The following SH3GL2 variants were observed in gnomAD, a reference collection of about 807,000 sequenced individuals.
SH3GL2 encodes the protein SH3 domain containing GRB2 like 2, endophilin A1.
SH3GL2 carries 24 observed loss-of-function variants against 46.0 expected under a neutral mutation model. The ratio of observed to expected loss-of-function variants is 0.52; its 90% CI spans 0.38 to 0.73. SH3GL2 has a LOEUF of 0.73. Ranked by LOEUF, SH3GL2 falls within the 30% of genes least tolerant of loss-of-function variation. SH3GL2 has a pLI of 0.00. For synonymous variants in SH3GL2, 196 were observed against 147.1 expected (o/e 1.33, Z -2.40); for missense variants, 413 against 424.2 (o/e 0.97, Z 0.23).
chr9:17,644,072 G>A (rs1007897989), intron 1 of SH3GL2, among the ~76,000 whole-genome samples: 1 of 152,186 alleles, frequency 6.6e-6, no homozygotes, highest in South Asian at 2.1e-4. Context: ...GAGGGTGTAT[G>A]TGTCCAGGAA....
intron 1 of SH3GL2, among the ~76,000 whole-genome samples, chr9:17,585,828 G>A (rs75924204): frequency 0.021 from 3,199 of 152,252 alleles, 127 homozygotes; most frequent in African/African-American, 0.073. Context: ...CACAGTTAGC[G>A]TATGTGGGAA....
At chr9:17,643,127 G>A (rs1025902428) in intron 1 of SH3GL2, among the ~76,000 whole-genome samples, 2 of 152,076 alleles carry the variant, frequency 1.3e-5, no homozygotes, top group Non-Finnish European at 2.9e-5. Context: ...TGGGTTCCTA[G>A]GTATTTTATT....
chr9:17,679,472 T>C (rs1287554583), intron 1 of SH3GL2, among the ~76,000 whole-genome samples: 2 of 152,220 alleles, frequency 1.3e-5, no homozygotes, highest in Non-Finnish European at 2.9e-5. Context: ...TTTTGCACAT[T>C]GATTTTGTAT....
intron 1 of SH3GL2, chr9:17,590,565 C>A (rs1355152650): frequency 6.6e-6 from 1 of 152,140 alleles, no homozygotes; most frequent in African/African-American, 2.4e-5. Flanking sequence ...AACCTAAAAT[C>A]TTTGGATTTT....
intron 1 of SH3GL2, among the ~76,000 whole-genome samples, chr9:17,684,658 T>G (rs1457325538): frequency 6.6e-6 from 1 of 151,980 alleles, no homozygotes. Context: ...ACACATACAG[T>G]CAGACATATT....
chr9:17,699,011 C>T (rs1437880334), intron 1 of SH3GL2, among the ~76,000 whole-genome samples: 1 of 151,798 alleles, frequency 6.6e-6, no homozygotes, highest in Admixed American at 6.6e-5. Flanking sequence ...AAAAACTAGC[C>T]AGGCATGGTG....
chr9:17,700,219 A>G (rs1821314009), intron 1 of SH3GL2, among the ~76,000 whole-genome samples: 1 of 152,176 alleles, frequency 6.6e-6, no homozygotes. Context: ...TGAATTGGTC[A>G]TGTTGACCCA....
chr9:17,727,154 G>A lies in SH3GL2; in HGVS notation c.46-19912G>A, dbSNP rs79551375. On this transcript the variant is annotated intron_variant, in intron 1 of 8. Coordinates refer to ENST00000380607, the MANE Select transcript of SH3GL2 (RefSeq NM_003026.5). ...TTAAGATGAATAGTCTGCCTCTACA[G>A]AGAGCAACATATATAAGTTTGATGG... Among the ~76,000 whole-genome samples, 551 of 152,306 alleles carry A rather than the reference G, an allele frequency of 3.6e-3. 6 individuals are homozygous for A. Among genetic ancestry groups the A allele is most frequent in the African/African-American group, 0.011 (447 of 41,568 alleles).
chr9:17,673,159 G>A (rs1187300169), intron 1 of SH3GL2, among the ~76,000 whole-genome samples: 1 of 150,828 alleles, frequency 6.6e-6, no homozygotes. Context: ...TTGTTTGTTT[G>A]TTTGTTTTTG....
intron 1 of SH3GL2, among the ~76,000 whole-genome samples, chr9:17,661,582 GTTTA>G (rs1311558315): frequency 6.6e-6 from 1 of 152,196 alleles, no homozygotes; most frequent in Non-Finnish European, 1.5e-5. Flanking sequence ...TTCCATTTAT[GTTTA>G]TTTAAATAAG....
At position 17,579,254 on chromosome 9, in the gene SH3GL2, C is replaced by T; in HGVS notation, c.12C>T (p.Ala4=). Residue 4 remains alanine, a synonymous_variant, in exon 1 of 9, where the codon GCC becomes GCT. Coordinates refer to ENST00000380607, the MANE Select transcript of SH3GL2 (RefSeq NM_003026.5). MSV[A]GLKKQFHKAT... is the part of the protein sequence containing the mutation. ...CGGCCTCCTGCACCATGTCGGTGGCCGGCCTCAAGAAGCAGTTCCATAAAG... is the reference window on the plus strand; with the variant it reads ...CGGCCTCCTGCACCATGTCGGTGGCTGGCCTCAAGAAGCAGTTCCATAAAG... The T allele has an allele frequency of 6.4e-7, 1 of 1,565,558 alleles. No individual in the cohort carries two copies. Among genetic ancestry groups the T allele is most frequent in the Non-Finnish European group, 8.6e-7 (1 of 1,157,244 alleles).
At position 17,795,546 on chromosome 9, in the gene SH3GL2, G is replaced by T; in HGVS notation, c.862G>T (p.Val288Phe). The change falls in exon 9 of 9, where the codon GTC becomes TTC. Residue 288 changes from valine (V) to phenylalanine (F), a missense_variant and splice_region_variant. This residue lies in a region of SH3GL2 where 248 missense variants were observed against 215.0 expected (regional missense o/e 1.15). Coordinates refer to ENST00000380607, the MANE Select transcript of SH3GL2 (RefSeq NM_003026.5). Reference protein sequence around the residue: ...SHTGTPKPSGVQMDQPCCRAL... With the variant: ...SHTGTPKPSGFQMDQPCCRAL... Reference sequence around the variant, plus strand: ...TTCTCTCCTGCTCTTACTCCCAGGTGTCCAAATGGATCAGCCCTGCTGCCG... The same window carrying T: ...TTCTCTCCTGCTCTTACTCCCAGGTTTCCAAATGGATCAGCCCTGCTGCCG... The T allele has an allele frequency of 1.2e-6, 2 of 1,613,304 alleles. No individual in the cohort carries two copies. The highest frequency in any genetic ancestry group is 1.7e-6 in the Non-Finnish European group (2 of 1,179,348).
chr9:17,679,933 A>T (rs1337541391), intron 1 of SH3GL2, among the ~76,000 whole-genome samples: 1 of 152,156 alleles, frequency 6.6e-6, no homozygotes, highest in African/African-American at 2.4e-5. Flanking sequence ...GATTACGTTT[A>T]TTGATTTGCA....
At chr9:17,681,425 T>G (rs1028631463) in intron 1 of SH3GL2, among the ~76,000 whole-genome samples, 15 of 152,170 alleles carry the variant, frequency 9.9e-5, no homozygotes, top group African/African-American at 2.9e-4. Flanking sequence ...TAAATTTGTG[T>G]TAGGGTTTCC....
At chr9:17,785,253 G>T (rs909803501) in intron 3 of SH3GL2, among the ~76,000 whole-genome samples, 18 of 152,036 alleles carry the variant, frequency 1.2e-4, no homozygotes, top group African/African-American at 4.3e-4. Flanking sequence ...CCCCATCAAG[G>T]CACTTGGCAT....
intron 3 of SH3GL2, among the ~76,000 whole-genome samples, chr9:17,783,461 C>G (rs995515629): frequency 5.3e-5 from 8 of 151,312 alleles, no homozygotes; most frequent in African/African-American, 1.9e-4. Flanking sequence ...GAAAATAACT[C>G]AGGCAGGGCT....
intron 2 of SH3GL2, among the ~76,000 whole-genome samples, chr9:17,752,563 T>C (rs1385166659): frequency 6.6e-6 from 1 of 152,120 alleles, no homozygotes; most frequent in Non-Finnish European, 1.5e-5. Flanking sequence ...AGTAGCTCAG[T>C]CATAGCTCAC....
intron 6 of SH3GL2, among the ~76,000 whole-genome samples, chr9:17,791,021 T>C (rs1050663935): frequency 6.6e-6 from 1 of 152,162 alleles, no homozygotes; most frequent in African/African-American, 2.4e-5. Context: ...CTGATACGCA[T>C]GATTCTAAGC....
chr9:17,677,147 T>C (rs1820633237), intron 1 of SH3GL2, among the ~76,000 whole-genome samples: 1 of 151,144 alleles, frequency 6.6e-6, no homozygotes, highest in South Asian at 2.1e-4. Flanking sequence ...ATATTCTGAC[T>C]TGGTCTCTGT....
Sources: gnomAD v4.1 joint callset for allele counts (sites outside exome capture counted in the v4.1 genomes callset) on GRCh38, gnomAD v4.1.1 for gene constraint, gnomAD v4.1.1 regional missense constraint, MANE v1.5 for transcripts, NCBI Gene and HGNC (gene_info 2026-07-23, HGNC 2026-07-21) for gene names.